POM121C: variants seen among roughly 807,000 people sequenced by gnomAD.
The protein encoded by POM121C is POM121 transmembrane nucleoporin C.
POM121C carries 20 observed loss-of-function variants against 66.4 expected under a neutral mutation model. That is an observed-to-expected ratio of 0.30 (90% confidence interval 0.21 to 0.44). POM121C has a LOEUF of 0.44. Among genes scored for constraint, POM121C ranks in the 20% least tolerant of loss-of-function variants. The pLI, the probability that POM121C is intolerant of heterozygous loss-of-function variation, is 1.00. For synonymous variants in POM121C, 286 were observed against 528.0 expected (o/e 0.54, Z 6.28); for missense variants, 580 against 1,225.7 (o/e 0.47, Z 7.87).
chr7:75,485,494 C>T (rs1554480723), intron 1 of POM121C, among the ~76,000 whole-genome samples: 1 of 151,674 alleles, frequency 6.6e-6, no homozygotes. Context: ...CTACGATTCT[C>T]CCAGGGCAGG....
chr7:75,485,509 A>AG (rs369992925), intron 1 of POM121C, among the ~76,000 whole-genome samples: 8,009 of 151,906 alleles, frequency 0.053, 285 homozygotes, highest in Non-Finnish European at 0.084. Context: ...GGCAGGTCTA[A>AG]GGGGGGGGAT....
At chr7:75,484,164 G>C in intron 1 of POM121C, 1 of 1,601,248 alleles carries the variant, frequency 6.2e-7, no homozygotes, top group Non-Finnish European at 8.5e-7. Flanking sequence ...ATAAAATAAA[G>C]TTGAGGAACA....
At chr7:75,467,001 G>C (rs1488864524) in intron 3 of POM121C, among the ~76,000 whole-genome samples, 1 of 152,198 alleles carries the variant, frequency 6.6e-6, no homozygotes. Context: ...ATCAGAGAAC[G>C]AGCTAAATCA....
chr7:75,466,664 A>C (rs1208273757), intron 3 of POM121C, among the ~76,000 whole-genome samples: 1 of 152,072 alleles, frequency 6.6e-6, no homozygotes, highest in Non-Finnish European at 1.5e-5. Flanking sequence ...GTTAAAATAG[A>C]AACATTTAAA....
intron 3 of POM121C, among the ~76,000 whole-genome samples, chr7:75,457,146 A>G (rs1166309521): frequency 1.5e-5 from 2 of 133,558 alleles, no homozygotes; most frequent in African/African-American, 2.9e-5. Context: ...GACTATTTCA[A>G]TTAAAAATAA....
chr7:75,461,817 T>G (rs1180093871), intron 3 of POM121C, among the ~76,000 whole-genome samples: 1 of 151,932 alleles, frequency 6.6e-6, no homozygotes, highest in Non-Finnish European at 1.5e-5. Context: ...AGAAAATCTC[T>G]AAACACATGG....
rs1584651780 is a variant in POM121C at position 75,426,430 on chromosome 7, A to G, written c.504T>C (p.Ser168=). The change falls in exon 8 of 15, where the codon AGT becomes AGC. Residue 168 remains serine, a synonymous_variant. Transcript: ENST00000615331. The stretch of plus-strand genomic sequence containing the variant: ...AGGCTGGGCTAGAGAAGGGTGATGA[A>G]CTGGGGCCATTTCTCTTCCACAGCT... ...ISQLWKRNGP[S]SSPFSSPASS... is the part of the protein sequence containing the mutation. 3.4e-6 allele frequency: 1 copy of G among 298,452 alleles called. No individual in the cohort carries two copies. 18.5% of individuals were successfully genotyped at this position (298,452 alleles called of 1,614,324 possible).
chr7:75,426,844 ATTTG>A (rs1212509098), intron 7 of POM121C, among the ~76,000 whole-genome samples: 2 of 150,902 alleles, frequency 1.3e-5, no homozygotes, highest in Admixed American at 6.6e-5. Context: ...AATGAAAAAA[ATTTG>A]TTTGTGAAGA....
chr7:75,435,259 G>A (rs1790359656), intron 7 of POM121C, among the ~76,000 whole-genome samples: 1 of 152,184 alleles, frequency 6.6e-6, no homozygotes, highest in Non-Finnish European at 1.5e-5. Flanking sequence ...GACGTCAACT[G>A]TCTATTATGT....
At position 75,443,360 on chromosome 7, in the gene POM121C, T is replaced by G. The variant is rs587641156; in HGVS notation, c.-151-1713A>C. On this transcript the variant is annotated intron_variant, in intron 3 of 14. Transcript: ENST00000615331. ...AGGCTTTCTCGTAGCAGCATAAACA[T>G]AGTTTAAAATTAGATTGTGTTGGCG... Among the ~76,000 whole-genome samples, 17 of 152,018 alleles carry G rather than the reference T, an allele frequency of 1.1e-4. No individual in the cohort carries two copies. The Middle Eastern group carries it at 0.017, about 152-fold the overall frequency.
chr7:75,483,637 T>C (rs1792398337), intron 1 of POM121C, among the ~76,000 whole-genome samples: 1 of 152,204 alleles, frequency 6.6e-6, no homozygotes, highest in Non-Finnish European at 1.5e-5. Context: ...ACAGATGGCA[T>C]TTTCCTTTTG....
intron 3 of POM121C, among the ~76,000 whole-genome samples, chr7:75,467,531 CAAAAAAAAAAAAA>C (rs58341825): frequency 1.5e-5 from 1 of 65,358 alleles, no homozygotes. Context: ...GATTCTGTCT[CAAAAAAAAAAAAA>C]AAAAAAAAAA....
chr7:75,434,508 C>T (rs1362800110), intron 7 of POM121C, among the ~76,000 whole-genome samples: 3 of 150,882 alleles, frequency 2.0e-5, no homozygotes, highest in Admixed American at 6.6e-5. Flanking sequence ...AACTCCTGAT[C>T]GCAGGTGATC....
chr7:75,481,934 T>C (rs1792324282), intron 1 of POM121C, among the ~76,000 whole-genome samples: 1 of 152,144 alleles, frequency 6.6e-6, no homozygotes, highest in South Asian at 2.1e-4. Context: ...ATCACAGCAA[T>C]AATCAAGTCA....
At chr7:75,473,615 T>C (rs1791952629) in intron 3 of POM121C, among the ~76,000 whole-genome samples, 2 of 151,956 alleles carry the variant, frequency 1.3e-5, no homozygotes, top group South Asian at 4.1e-4. Context: ...TTTTGGTATC[T>C]GAATGCCTAA....
intron 1 of POM121C, among the ~76,000 whole-genome samples, chr7:75,485,590 AGAG>A (rs1487374744): frequency 6.6e-6 from 1 of 152,156 alleles, no homozygotes; most frequent in Non-Finnish European, 1.5e-5. Flanking sequence ...TGGAGCACGG[AGAG>A]GAGGAGGAAG....
At position 75,479,077 on chromosome 7, in the gene POM121C, A is replaced by AAG. The variant is rs1413688532; in HGVS notation, c.-457-3891_-457-3890dup. Among the ~76,000 whole-genome samples the AAG allele has an allele frequency of 1.1e-4, 17 of 152,076 alleles. No homozygotes were observed. The East Asian group carries it at 3.1e-3, about 28-fold the overall frequency. ...TCTCTTAGAAAAAAATGTAAGCAGG[A>AAG]AGACAACAGAGAAACATATTTAAAG... On this transcript the variant is annotated intron_variant, in intron 1 of 14. Transcript: ENST00000615331.
At chr7:75,484,442 A>G (rs1436940982) in intron 1 of POM121C, 1 of 378,210 alleles carries the variant, frequency 2.6e-6, no homozygotes, top group African/African-American at 2.1e-5. Flanking sequence ...GGCTGGTCTC[A>G]AATTCTGGCC....
chr7:75,443,354 T>G (rs1790732725), intron 3 of POM121C, among the ~76,000 whole-genome samples: 1 of 130,948 alleles, frequency 7.6e-6, no homozygotes, highest in Admixed American at 7.4e-5. Flanking sequence ...CGTAGCAGCA[T>G]AAACATAGTT....
Sources: allele counts gnomAD v4.1 joint callset (sites outside exome capture counted in the v4.1 genomes callset), GRCh38; gene constraint gnomAD v4.1.1; transcripts MANE v1.5; gene names NCBI Gene and HGNC (gene_info 2026-07-23, HGNC 2026-07-21).